The following SERGEF variants were observed in gnomAD, a reference collection of about 807,000 sequenced individuals.
The protein encoded by SERGEF is secretion-regulating guanine nucleotide exchange factor.
In SERGEF, 51 loss-of-function variants were observed where a neutral mutation model predicts 50.0. The observed-to-expected ratio is 1.02, with a 90% confidence interval of 0.81 to 1.29. The LOEUF is 1.29. Among genes scored for constraint, SERGEF ranks in the 50% most tolerant of loss-of-function variants. SERGEF has a pLI of 0.00. For missense variants in SERGEF, 521 were observed against 557.0 expected (o/e 0.94, Z 0.65); for synonymous variants, 205 against 212.4 (o/e 0.97, Z 0.30).
At chr11:17,846,317 C>T (rs139660311) in intron 10 of SERGEF, among the ~76,000 whole-genome samples, 10 of 152,300 alleles carry the variant, frequency 6.6e-5, no homozygotes, top group African/African-American at 1.4e-4. Context: ...AGTTAATACA[C>T]GGCAGAACAA....
At chr11:17,846,983 T>C (rs1033286859) in intron 10 of SERGEF, among the ~76,000 whole-genome samples, 9 of 152,188 alleles carry the variant, frequency 5.9e-5, no homozygotes, top group African/African-American at 1.9e-4. Flanking sequence ...ACAGTAATGA[T>C]TACAACTGCA....
At chr11:17,986,501 C>T (rs1374097574) in intron 8 of SERGEF, among the ~76,000 whole-genome samples, 1 of 152,220 alleles carries the variant, frequency 6.6e-6, no homozygotes, top group African/African-American at 2.4e-5. Context: ...ACGCTGAGCT[C>T]CAGAGCAGCT....
rs761724044 is a variant in SERGEF at position 17,788,346 on chromosome 11, G to A, written c.1116C>T (p.Val372=). 62 of 1,614,056 alleles carry A rather than the reference G, an allele frequency of 3.8e-5. No individual in the cohort carries two copies. Among genetic ancestry groups the A allele is most frequent in the Admixed American group, 5.0e-5 (3 of 60,008 alleles). ...GAGCCTGCACCGGCTTTGGGGCCCA[G>A]ACGTTGGCTTCAGTGCCATCTCCGC... ...GMCGDGTEAN[V]WAPKPVQALL... The change falls in exon 11 of 11, where the codon GTC becomes GTT. Residue 372 remains valine, a synonymous_variant. Transcript: ENST00000265965.
At chr11:17,838,006 T>A (rs1850436037) in intron 10 of SERGEF, among the ~76,000 whole-genome samples, 1 of 152,180 alleles carries the variant, frequency 6.6e-6, no homozygotes, top group African/African-American at 2.4e-5. Context: ...TCTTAGGTAT[T>A]CCTTGATACA....
chr11:17,987,041 T>C (rs1239084980), intron 8 of SERGEF, among the ~76,000 whole-genome samples: 1 of 152,244 alleles, frequency 6.6e-6, no homozygotes, highest in African/African-American at 2.4e-5. Flanking sequence ...TATCTACATA[T>C]TCTAGTGGGA....
intron 9 of SERGEF, among the ~76,000 whole-genome samples, chr11:17,947,950 C>CT (rs397848456): frequency 0.084 from 11,233 of 133,508 alleles, 828 homozygotes; most frequent in African/African-American, 0.19. Context: ...CTAATCCATT[C>CT]TTTTTTTTTT....
intron 8 of SERGEF, among the ~76,000 whole-genome samples, chr11:17,983,324 G>T (rs1283484280): frequency 6.6e-6 from 1 of 152,160 alleles, no homozygotes; most frequent in Non-Finnish European, 1.5e-5. Context: ...TGATCTTTCT[G>T]CACTCTTCAG....
At chr11:17,887,566 C>A (rs1036095378) in intron 9 of SERGEF, among the ~76,000 whole-genome samples, 4 of 152,164 alleles carry the variant, frequency 2.6e-5, no homozygotes, top group Non-Finnish European at 5.9e-5. Flanking sequence ...ACTGTCAACA[C>A]CAAGTACTAA....
chr11:17,872,487 T>C (rs930085443), intron 10 of SERGEF, among the ~76,000 whole-genome samples: 2 of 152,206 alleles, frequency 1.3e-5, no homozygotes, highest in Non-Finnish European at 1.5e-5. Flanking sequence ...AGTTTCTTAA[T>C]ATATCCTATT....
At chr11:17,875,362 C>G (rs1444587784) in intron 10 of SERGEF, among the ~76,000 whole-genome samples, 2 of 152,232 alleles carry the variant, frequency 1.3e-5, no homozygotes, top group Non-Finnish European at 2.9e-5. Flanking sequence ...GTTAGCATCA[C>G]CAGCCTGGCT....
At chr11:17,992,100 C>G (rs886744096) in intron 7 of SERGEF, among the ~76,000 whole-genome samples, 1 of 151,846 alleles carries the variant, frequency 6.6e-6, no homozygotes, top group Admixed American at 6.6e-5. Context: ...TGTATTGGCT[C>G]GGTGTTTCAA....
intron 10 of SERGEF, among the ~76,000 whole-genome samples, chr11:17,790,346 T>C (rs1371263640): frequency 1.3e-5 from 2 of 152,280 alleles, no homozygotes; most frequent in East Asian, 3.9e-4. Context: ...TATTTTTTTT[T>C]TTTTCTGCAA....
At chr11:17,897,420 A>G (rs1408780056) in intron 9 of SERGEF, among the ~76,000 whole-genome samples, 1 of 152,250 alleles carries the variant, frequency 6.6e-6, no homozygotes, top group Non-Finnish European at 1.5e-5. Context: ...ACTATGAACT[A>G]TTAATTATGT....
intron 8 of SERGEF, among the ~76,000 whole-genome samples, chr11:17,970,074 A>C (rs1170748104): frequency 6.6e-6 from 1 of 152,178 alleles, no homozygotes; most frequent in African/African-American, 2.4e-5. Context: ...GCTTCTTAGA[A>C]AAGTATAGGC....
At chr11:17,912,026 G>A (rs1182340265) in intron 9 of SERGEF, among the ~76,000 whole-genome samples, 3 of 152,100 alleles carry the variant, frequency 2.0e-5, no homozygotes, top group Non-Finnish European at 2.9e-5. Context: ...AGAGGGGCTT[G>A]GTAAGTGGAG....
At chr11:17,945,829 T>C (rs1347962063) in intron 9 of SERGEF, among the ~76,000 whole-genome samples, 1 of 151,796 alleles carries the variant, frequency 6.6e-6, no homozygotes, top group Non-Finnish European at 1.5e-5. Context: ...AACAAAATAA[T>C]TAGCTGGGCA....
intron 10 of SERGEF, chr11:17,846,665 C>T (rs1372969879): frequency 2.2e-6 from 1 of 456,076 alleles, no homozygotes; most frequent in South Asian, 1.5e-5. Context: ...CTCCATGACA[C>T]ATGAACACTG....
intron 10 of SERGEF, among the ~76,000 whole-genome samples, chr11:17,828,155 G>C (rs529119230): frequency 2.0e-5 from 3 of 152,288 alleles, no homozygotes; most frequent in African/African-American, 7.2e-5. Flanking sequence ...CTCTCAAAAC[G>C]TGTCTGTATC....
intron 10 of SERGEF, chr11:17,856,842 A>G (rs1176107070): frequency 6.6e-6 from 1 of 152,216 alleles, no homozygotes; most frequent in Non-Finnish European, 1.5e-5. Flanking sequence ...CTTCCCCCTT[A>G]ACTTTCCTAA....
Sources: allele counts gnomAD v4.1 joint callset (sites outside exome capture counted in the v4.1 genomes callset), GRCh38; gene constraint gnomAD v4.1.1; transcripts MANE v1.5; gene names NCBI Gene and HGNC (gene_info 2026-07-23, HGNC 2026-07-21).